The following POU3F3 variants were observed in gnomAD, a reference collection of about 807,000 sequenced individuals.
The protein encoded by POU3F3 is POU class 3 homeobox 3, also known as POU domain, class 3, transcription factor 3.
Under a neutral mutation model 8.6 loss-of-function variants are expected in POU3F3, and 1 was observed. The ratio of observed to expected loss-of-function variants is 0.12; its 90% CI spans 0.04 to 0.55. The LOEUF (loss-of-function observed/expected upper bound fraction) is 0.55, where lower values mean the gene tolerates loss of function less well. Ranked by LOEUF, POU3F3 falls within the 20% of genes least tolerant of loss-of-function variation. The probability of loss-of-function intolerance (pLI) is 0.91; values close to 1 mark genes in which losing one functional copy is unlikely to be tolerated. For synonymous variants in POU3F3, 418 were observed against 327.4 expected, an observed-to-expected ratio of 1.28 and a Z score of -2.99; for missense variants, 577 against 690.7, an observed-to-expected ratio of 0.84 and a Z score of 1.84.
the POU3F3 span, among the ~76,000 whole-genome samples, chr2:104,874,537 C>G: frequency 6.6e-6 from 1 of 152,298 alleles, no homozygotes; most frequent in East Asian, 1.9e-4. Flanking sequence ...CAAACCTCTT[C>G]TCCTCTGACC....
the POU3F3 span, among the ~76,000 whole-genome samples, chr2:104,874,547 C>T: frequency 6.6e-6 from 1 of 152,110 alleles, no homozygotes; most frequent in African/African-American, 2.4e-5. Context: ...CTCCTCTGAC[C>T]CCACAGCTGC....
At chr2:104,894,999 A>T in the POU3F3 span, among the ~76,000 whole-genome samples, 2 of 152,068 alleles carry the variant, frequency 1.3e-5, no homozygotes, top group Non-Finnish European at 2.9e-5. Flanking sequence ...TTTACAAAAA[A>T]TCCAAAAAAA....
chr2:104,895,062 AGTGTGTGTGTGTGT>A, the POU3F3 span, among the ~76,000 whole-genome samples: 5 of 149,374 alleles, frequency 3.3e-5, no homozygotes, highest in Non-Finnish European at 5.9e-5. Flanking sequence ...TGCACAGGTG[AGTGTGTGTGTGTGT>A]GTGTGTGTGT....
Position 104,854,260 on chromosome 2 carries a change from C to A in POU3F3, c.-1251C>A, listed in dbSNP as rs1396465832. 2.0e-5 allele frequency among the ~76,000 whole-genome samples: 3 copies of A among 152,130 alleles called. No homozygotes were observed. Among genetic ancestry groups the A allele is most frequent in the African/African-American group, 4.8e-5 (2 of 41,428 alleles). On this transcript the variant is annotated 5_prime_UTR_variant, in exon 1 of 1. Coordinates refer to ENST00000361360, the MANE Select transcript of POU3F3 (RefSeq NM_006236.3). The surrounding 1 kb of genome is among the most constrained non-coding windows in gnomAD (Gnocchi z 4.5). ...AGAGAGCGCGAACGAGGGCGCAGAG[C>A]GAGCTCCTGCTGCAACTCTGCTCCA...
At chr2:104,878,965 C>T in the POU3F3 span, among the ~76,000 whole-genome samples, 1 of 151,880 alleles carries the variant, frequency 6.6e-6, no homozygotes, top group African/African-American at 2.4e-5. Context: ...CAACACATAG[C>T]ACACTCACAC....
the POU3F3 span, among the ~76,000 whole-genome samples, chr2:104,895,579 T>C: frequency 6.6e-6 from 1 of 152,188 alleles, no homozygotes; most frequent in Non-Finnish European, 1.5e-5. Flanking sequence ...TAACATGCAA[T>C]TTGAAAAATT....
the POU3F3 span, among the ~76,000 whole-genome samples, chr2:104,888,678 G>C: frequency 6.6e-6 from 1 of 152,104 alleles, no homozygotes; most frequent in Non-Finnish European, 1.5e-5. Flanking sequence ...TTGGTTTCAG[G>C]CCTGATTTTG....
chr2:104,886,253 A>T, the POU3F3 span, among the ~76,000 whole-genome samples: 2 of 152,138 alleles, frequency 1.3e-5, no homozygotes. Context: ...ATTTTGGTCA[A>T]TGTCAGGCCA....
chr2:104,874,840 A>G, the POU3F3 span, among the ~76,000 whole-genome samples: 1 of 152,260 alleles, frequency 6.6e-6, no homozygotes. Context: ...TATGTATGAC[A>G]TATAATTTAC....
the POU3F3 span, among the ~76,000 whole-genome samples, chr2:104,895,093 G>A: frequency 8.1e-6 from 1 of 124,182 alleles, no homozygotes; most frequent in Non-Finnish European, 1.7e-5. Context: ...GTGTGTGTGT[G>A]TGTATTTTCT....
rs1676584682 is a variant in POU3F3 at position 104,857,133 on chromosome 2, A to G, written c.*120A>G. 4.2e-6 allele frequency: 4 copies of G among 952,520 alleles called. No individual in the cohort carries two copies. Among genetic ancestry groups the G allele is most frequent in the Non-Finnish European group, 5.0e-6 (4 of 801,700 alleles). The allele number at this position is 952,520 out of a possible 1,614,324, so 59.0% of individuals were successfully genotyped here. ...CGCCGCCGCTGCCGCCGCCGCGCCG[A>G]CCCTGCACCTGGGCCGCTCCGGGCT... On this transcript the variant is annotated 3_prime_UTR_variant, in exon 1 of 1. Transcript: ENST00000361360.
At chr2:104,907,004 T>G in the POU3F3 span, among the ~76,000 whole-genome samples, 1 of 152,242 alleles carries the variant, frequency 6.6e-6, no homozygotes, top group Admixed American at 6.5e-5. Context: ...GTCCACAAAA[T>G]CATACGAACA....
In POU3F3 at chr2:104,856,995, G is replaced by A. The variant is rs374340255; in HGVS notation, c.1485G>A (p.Leu495=). ...SADTPPPHHG[L]QTSVQ Reference sequence around the variant, plus strand: ...ACACGCCGCCGCCTCACCACGGGCTGCAGACGAGCGTTCAGTGAAGCCAGG... The same window carrying A: ...ACACGCCGCCGCCTCACCACGGGCTACAGACGAGCGTTCAGTGAAGCCAGG... Residue 495 remains leucine, a synonymous_variant, in exon 1 of 1, where the codon CTG becomes CTA. Coordinates refer to ENST00000361360, the MANE Select transcript of POU3F3 (RefSeq NM_006236.3). 1.2e-5 allele frequency: 20 copies of A among 1,604,090 alleles called. No individual in the cohort carries two copies. The highest frequency in any genetic ancestry group is 1.7e-5 in the Admixed American group (1 of 58,982).
At chr2:104,903,974 C>T in the POU3F3 span, among the ~76,000 whole-genome samples, 2 of 152,084 alleles carry the variant, frequency 1.3e-5, no homozygotes, top group African/African-American at 4.8e-5. Flanking sequence ...GATTGGAAGT[C>T]GTAGGTAAGA....
chr2:104,885,989 G>T, the POU3F3 span, among the ~76,000 whole-genome samples: 2 of 152,038 alleles, frequency 1.3e-5, no homozygotes, highest in Admixed American at 6.6e-5. Flanking sequence ...TTGAGACGGG[G>T]TTTCACCATG....
At position 104,854,941 on chromosome 2, in the gene POU3F3, CTTTG is replaced by C. The variant is rs1439122622; in HGVS notation, c.-567_-564del. Among the ~76,000 whole-genome samples, 2 of 152,234 alleles carry C rather than the reference CTTTG, an allele frequency of 1.3e-5. No individual in the cohort carries two copies. The highest frequency in any genetic ancestry group is 4.8e-5 in the African/African-American group (2 of 41,468). ...TAAGGAAGAAAGGAGCAGCTTCTTT[CTTTG>C]TTATCTCCCGTGAAACCTTCACTTA... is the stretch of plus-strand genomic sequence containing the variant. On this transcript the variant is annotated 5_prime_UTR_variant, in exon 1 of 1. Transcript: ENST00000361360. This position sits in a 1 kb window ranked among gnomAD's most constrained non-coding sequence, Gnocchi z 4.5.
At chr2:104,900,122 G>A in the POU3F3 span, among the ~76,000 whole-genome samples, 584 of 152,322 alleles carry the variant, frequency 3.8e-3, 8 homozygotes, top group African/African-American at 0.013. Flanking sequence ...CAGAGCAGCA[G>A]GATAGAGTTT....
the POU3F3 span, among the ~76,000 whole-genome samples, chr2:104,884,131 G>T: frequency 1.3e-5 from 2 of 152,196 alleles, no homozygotes; most frequent in Non-Finnish European, 2.9e-5. Flanking sequence ...AGTGGACTAT[G>T]GAAGGGGTGA....
At chr2:104,925,324 G>C in the POU3F3 span, among the ~76,000 whole-genome samples, 1 of 152,322 alleles carries the variant, frequency 6.6e-6, no homozygotes, top group East Asian at 1.9e-4. Context: ...AATAAGATGA[G>C]AAGGGTATTA....
Sources: gnomAD v4.1 joint callset for allele counts (sites outside exome capture counted in the v4.1 genomes callset) on GRCh38, gnomAD v4.1.1 for gene constraint, Gnocchi (gnomAD v3.1) non-coding constraint, MANE v1.5 for transcripts, NCBI Gene and HGNC (gene_info 2026-07-23, HGNC 2026-07-21) for gene names.